Variants in CSMD3 observed in about 807,000 individuals in gnomAD.
The protein encoded by CSMD3 is CUB and sushi domain-containing protein 3.
In CSMD3, 177 loss-of-function variants were observed where a neutral mutation model predicts 435.2. That is an observed-to-expected ratio of 0.41 (90% CI 0.36 to 0.46). The LOEUF (loss-of-function observed/expected upper bound fraction) is 0.46, where lower values mean the gene tolerates loss of function less well. CSMD3 is among the 20% of genes least tolerant of loss of function. CSMD3 has a pLI of 0.34. For synonymous variants in CSMD3, 1,656 were observed against 1,520.5 expected (o/e 1.09, Z -2.07); for missense variants, 4,265 against 4,504.6 (o/e 0.95, Z 1.52).
intron 12 of CSMD3, among the ~76,000 whole-genome samples, chr8:112,801,117 A>G (rs2078950372): frequency 6.6e-6 from 1 of 152,054 alleles, no homozygotes; most frequent in Non-Finnish European, 1.5e-5. Context: ...ATATACAGAA[A>G]GACAGGTTTC....
intron 27 of CSMD3, among the ~76,000 whole-genome samples, chr8:112,540,507 A>G (rs1826563031): frequency 6.6e-6 from 1 of 152,096 alleles, no homozygotes; most frequent in Non-Finnish European, 1.5e-5. Flanking sequence ...CCCTATTCAC[A>G]ATAACGAAGG....
intron 4 of CSMD3, among the ~76,000 whole-genome samples, chr8:113,135,512 T>C (rs1315675284): frequency 1.3e-5 from 2 of 151,824 alleles, no homozygotes; most frequent in Admixed American, 6.6e-5. Context: ...GAGTAGACTA[T>C]AGTTCTAACC....
chr8:112,545,497 AAAAAAATAAT>A (rs1827094444), intron 27 of CSMD3, among the ~76,000 whole-genome samples: 1 of 143,796 alleles, frequency 7.0e-6, no homozygotes, highest in Admixed American at 7.0e-5. Flanking sequence ...AAAAAAAAAA[AAAAAAATAAT>A]AATAATAATA....
At chr8:112,523,087 T>C (rs562048904) in intron 27 of CSMD3, among the ~76,000 whole-genome samples, 1 of 152,050 alleles carries the variant, frequency 6.6e-6, no homozygotes, top group South Asian at 2.1e-4. Context: ...GTGTCCTTTA[T>C]GTTCAGAAAA....
intron 3 of CSMD3, among the ~76,000 whole-genome samples, chr8:113,245,531 C>T (rs536132964): frequency 6.6e-6 from 1 of 151,838 alleles, no homozygotes; most frequent in Non-Finnish European, 1.5e-5. Context: ...TTAATATATG[C>T]CATCTTCTCC....
intron 2 of CSMD3, among the ~76,000 whole-genome samples, chr8:113,285,048 A>AT (rs1374667557): frequency 1.3e-5 from 2 of 152,110 alleles, no homozygotes; most frequent in Admixed American, 6.6e-5. Flanking sequence ...AAGAGAAATG[A>AT]TTTTTTTCTA....
In CSMD3 at chr8:112,666,430, C is replaced by A; in HGVS notation, c.2678-15G>T. On this transcript the variant is annotated splice_polypyrimidine_tract_variant and intron_variant, in intron 16 of 70. Coordinates refer to ENST00000297405, the MANE Select transcript of CSMD3 (RefSeq NM_198123.2). ...ACCACATGGGGCTGAAAAATTAAAT[C>A]AGACAAGTAAGAATAAAACATTCAA... 6.2e-7 allele frequency: 1 copy of A among 1,608,830 alleles called. No individual in the cohort carries two copies. The highest frequency in any genetic ancestry group is 8.5e-7 in the Non-Finnish European group (1 of 1,176,644).
At position 112,251,579 on chromosome 8, in the gene CSMD3, C is replaced by T. The variant is rs570077763; in HGVS notation, c.10110+2674G>A. Among the ~76,000 whole-genome samples, 155 of 151,404 alleles carry T rather than the reference C, an allele frequency of 1.0e-3. 1 individual carries two copies. The highest frequency in any genetic ancestry group is 6.8e-3 in the Middle Eastern group (2 of 294). ...AAAACACTATGAAACATATATTTAC[C>T]TCATTCAATATACTAAGATACTAAT... On this transcript the variant is annotated intron_variant, in intron 63 of 70. Transcript: ENST00000297405.
chr8:112,902,158 A>G (rs1030260247), intron 10 of CSMD3, among the ~76,000 whole-genome samples: 4 of 151,190 alleles, frequency 2.6e-5, no homozygotes, highest in African/African-American at 9.7e-5. Flanking sequence ...TTCTGGCAAA[A>G]GGAGACAGCC....
At chr8:112,875,853 G>A (rs1159800041) in intron 10 of CSMD3, among the ~76,000 whole-genome samples, 1 of 151,902 alleles carries the variant, frequency 6.6e-6, no homozygotes, top group Non-Finnish European at 1.5e-5. Context: ...TCCCTGTATT[G>A]GGTTAGAATA....
chr8:113,053,744 T>C (rs916034127), intron 5 of CSMD3, among the ~76,000 whole-genome samples: 1 of 152,184 alleles, frequency 6.6e-6, no homozygotes, highest in African/African-American at 2.4e-5. Flanking sequence ...GTGTGTGTAG[T>C]ATTTGCTGCT....
rs149767077 is a variant in CSMD3 at position 113,049,849 on chromosome 8, T to C, written c.918-30670A>G. 1.2e-4 allele frequency among the ~76,000 whole-genome samples: 19 copies of C among 152,312 alleles called. No individual in the cohort carries two copies. In the East Asian group the frequency reaches 3.7e-3, roughly 29 times the overall value. ...GGATTACATGGGTGTATGCTATCCATATCCATATGATATATAATAGGATAT... is the reference window on the plus strand; with the variant it reads ...GGATTACATGGGTGTATGCTATCCACATCCATATGATATATAATAGGATAT... On this transcript the variant is annotated intron_variant, in intron 5 of 70. Transcript: ENST00000297405.
chr8:112,427,755 T>G (rs1813226995), intron 32 of CSMD3, among the ~76,000 whole-genome samples: 1 of 152,162 alleles, frequency 6.6e-6, no homozygotes, highest in African/African-American at 2.4e-5. Context: ...GCTTCATACA[T>G]AGAAGCATTC....
intron 10 of CSMD3, among the ~76,000 whole-genome samples, chr8:112,906,813 T>G (rs1309828341): frequency 6.6e-6 from 1 of 151,582 alleles, no homozygotes; most frequent in Non-Finnish European, 1.5e-5. Flanking sequence ...CCTTTTTGTT[T>G]GTCTTTAATC....
intron 4 of CSMD3, among the ~76,000 whole-genome samples, chr8:113,156,099 T>C (rs2091923003): frequency 6.6e-6 from 1 of 152,084 alleles, no homozygotes; most frequent in South Asian, 2.1e-4. Context: ...AGCAACATTT[T>C]AAGCTGTGCT....
chr8:112,975,802 A>G, intron 7 of CSMD3, 35 bp downstream of exon 7: 1 of 1,611,754 alleles, frequency 6.2e-7, no homozygotes, highest in African/African-American at 1.3e-5. Flanking sequence ...CTTTGGCTGT[A>G]ACTAAATGGG....
At chr8:112,236,033 T>C (rs184836976) in intron 67 of CSMD3, among the ~76,000 whole-genome samples, 57 of 152,044 alleles carry the variant, frequency 3.7e-4, no homozygotes, top group African/African-American at 1.3e-3. Context: ...AAAGTTTCTT[T>C]CGATTAATAT....
intron 9 of CSMD3, among the ~76,000 whole-genome samples, chr8:112,946,289 G>A (rs987491539): frequency 1.3e-5 from 2 of 151,556 alleles, no homozygotes; most frequent in Admixed American, 6.6e-5. Flanking sequence ...CTCCTCAACC[G>A]AATAAGATAT....
intron 11 of CSMD3, among the ~76,000 whole-genome samples, chr8:112,833,991 G>A (rs1270301259): frequency 2.0e-5 from 3 of 151,872 alleles, no homozygotes; most frequent in Non-Finnish European, 4.4e-5. Context: ...TTAGGTAAAT[G>A]ACTGCCTAAT....
Sources: allele counts gnomAD v4.1 joint callset (sites outside exome capture counted in the v4.1 genomes callset), GRCh38; gene constraint gnomAD v4.1.1; transcripts MANE v1.5; gene names NCBI Gene and HGNC (gene_info 2026-07-23, HGNC 2026-07-21).